The following RHOBTB1 variants were observed in gnomAD, a reference collection of about 807,000 sequenced individuals.
RHOBTB1 encodes the protein rho-related BTB domain-containing protein 1.
Under a neutral mutation model 71.6 loss-of-function variants are expected in RHOBTB1, and 40 were observed. The ratio of observed to expected loss-of-function variants is 0.56; its 90% CI spans 0.43 to 0.73. The LOEUF (loss-of-function observed/expected upper bound fraction) is 0.73. Among genes scored for constraint, RHOBTB1 ranks in the 30% least tolerant of loss-of-function variants. The pLI is 0.00. For synonymous variants in RHOBTB1, 319 were observed against 334.9 expected, an observed-to-expected ratio of 0.95 and a Z score of 0.52; for missense variants, 797 against 894.0, an observed-to-expected ratio of 0.89 and a Z score of 1.38.
intron 1 of RHOBTB1, among the ~76,000 whole-genome samples, chr10:60,998,932 T>C (rs1008988353): frequency 6.6e-6 from 1 of 152,226 alleles, no homozygotes; most frequent in African/African-American, 2.4e-5. Flanking sequence ...AAACTGCTCA[T>C]CCTTGGGCAT....
chr10:60,872,204 T>A lies in RHOBTB1; in HGVS notation c.1902A>T (p.Glu634Asp), dbSNP rs199737157. ...YNSVCSKFRKEIKSKSADNQE... is the reference protein window; with the variant it reads ...YNSVCSKFRKDIKSKSADNQE... ...TCTCACCTGCAGATTTTGATTTGAT[T>A]TCCTTACGGAACTTGGAGCATACAC... Residue 634 changes from glutamate (E) to aspartate (D), a missense_variant, in exon 10 of 11, where the codon GAA becomes GAT. Around this residue, in one of 2 missense-constraint regions of RHOBTB1, gnomAD observed 658 missense variants for 681.5 expected, o/e 0.97. Transcript: ENST00000337910. 3 of 1,613,932 alleles carry A rather than the reference T, an allele frequency of 1.9e-6. No individual in the cohort carries two copies. In the Admixed American group the frequency reaches 5.0e-5, roughly 27 times the overall value.
chr10:60,879,845 C>A (rs1341214861), intron 7 of RHOBTB1, among the ~76,000 whole-genome samples: 1 of 152,112 alleles, frequency 6.6e-6, no homozygotes, highest in Non-Finnish European at 1.5e-5. Context: ...TGGAGCCAGC[C>A]ATCTCTATCT....
chr10:60,943,314 T>A (rs1458621594), intron 1 of RHOBTB1, among the ~76,000 whole-genome samples: 2 of 152,234 alleles, frequency 1.3e-5, no homozygotes, highest in Non-Finnish European at 2.9e-5. Context: ...TCTACATAGT[T>A]GCCTTCCACT....
At chr10:60,922,873 G>C (rs188695302) in intron 2 of RHOBTB1, among the ~76,000 whole-genome samples, 1 of 152,124 alleles carries the variant, frequency 6.6e-6, no homozygotes, top group Non-Finnish European at 1.5e-5. Flanking sequence ...GATCTTCTGG[G>C]GTTAATCCAA....
At chr10:60,987,865 G>T (rs2086718811) in intron 1 of RHOBTB1, among the ~76,000 whole-genome samples, 1 of 134,006 alleles carries the variant, frequency 7.5e-6, no homozygotes, top group Non-Finnish European at 1.6e-5. Flanking sequence ...GACAAAAGTT[G>T]TTTCCTGCCT....
At chr10:60,959,413 G>T (rs1452980148) in intron 2 of RHOBTB1, among the ~76,000 whole-genome samples, 1 of 152,144 alleles carries the variant, frequency 6.6e-6, no homozygotes, top group Non-Finnish European at 1.5e-5. Flanking sequence ...GTGAGCAATA[G>T]ATTTACTCCA....
At chr10:60,911,115 C>T (rs751189433) in intron 3 of RHOBTB1, 125 bp from the exon 4 acceptor site, 92 of 812,230 alleles carry the variant, frequency 1.1e-4, no homozygotes, top group Admixed American at 3.4e-4. Flanking sequence ...TTCTATCTGA[C>T]GGGATTTAAG....
At chr10:60,917,560 C>A (rs946563247) in intron 2 of RHOBTB1, among the ~76,000 whole-genome samples, 2 of 152,182 alleles carry the variant, frequency 1.3e-5, no homozygotes, top group African/African-American at 4.8e-5. Flanking sequence ...GTGGTGTCCT[C>A]ACATGACAGG....
chr10:60,888,111 T>A, intron 6 of RHOBTB1, 101 bp downstream of exon 6: 1 of 1,328,002 alleles, frequency 7.5e-7, no homozygotes, highest in Non-Finnish European at 1.0e-6. Context: ...TAAGTACGTA[T>A]AAATGTTAGC....
At chr10:60,944,477 C>T (rs1027832991), upstream of RHOBTB1, among the ~76,000 whole-genome samples, 3 of 152,180 alleles carry the variant, frequency 2.0e-5, no homozygotes, top group Admixed American at 1.3e-4. Flanking sequence ...AGGCGGATCG[C>T]CCGGGACAAA....
intron 1 of RHOBTB1, among the ~76,000 whole-genome samples, chr10:60,992,735 T>C (rs2086910860): frequency 6.6e-6 from 1 of 152,218 alleles, no homozygotes; most frequent in African/African-American, 2.4e-5. Context: ...AATGCACTTC[T>C]GCAATTATGA....
chr10:60,984,348 T>C (rs2086595283), intron 2 of RHOBTB1, among the ~76,000 whole-genome samples: 1 of 152,228 alleles, frequency 6.6e-6, no homozygotes, highest in African/African-American at 2.4e-5. Context: ...GATTGACTTT[T>C]CTAAAATATT....
intron 2 of RHOBTB1, among the ~76,000 whole-genome samples, chr10:60,917,187 C>A (rs552995695): frequency 7.2e-5 from 11 of 152,348 alleles, no homozygotes; most frequent in African/African-American, 2.6e-4. Context: ...ACTTTAGCCA[C>A]ACAAAATGGC....
chr10:60,989,281 C>T (rs2086775854), intron 1 of RHOBTB1, among the ~76,000 whole-genome samples: 1 of 152,096 alleles, frequency 6.6e-6, no homozygotes, highest in Non-Finnish European at 1.5e-5. Context: ...GTATTTAAAT[C>T]TGAGGGAAAA....
intron 2 of RHOBTB1, among the ~76,000 whole-genome samples, chr10:60,959,723 T>C (rs2085715846): frequency 6.6e-6 from 1 of 152,184 alleles, no homozygotes; most frequent in African/African-American, 2.4e-5. Flanking sequence ...TTTATCTCTC[T>C]GGGCCTGTTT....
intron 2 of RHOBTB1, among the ~76,000 whole-genome samples, chr10:60,968,093 T>A (rs1327282463): frequency 6.6e-6 from 1 of 152,080 alleles, no homozygotes; most frequent in Non-Finnish European, 1.5e-5. Flanking sequence ...GCCTTCCTCT[T>A]GTTTTCTTCA....
intron 2 of RHOBTB1, among the ~76,000 whole-genome samples, chr10:60,915,211 C>T (rs777714850): frequency 5.9e-5 from 9 of 152,230 alleles, no homozygotes; most frequent in Non-Finnish European, 1.3e-4. Flanking sequence ...TATCCTTCTC[C>T]GCTTGTTATA....
intron 2 of RHOBTB1, among the ~76,000 whole-genome samples, chr10:60,957,478 G>A (rs1420927113): frequency 6.6e-6 from 1 of 152,126 alleles, no homozygotes; most frequent in Non-Finnish European, 1.5e-5. Context: ...ATTATATGGT[G>A]CAGGACTGTA....
chr10:60,995,016 C>G (rs774624421), intron 1 of RHOBTB1, among the ~76,000 whole-genome samples: 1 of 151,782 alleles, frequency 6.6e-6, no homozygotes, highest in Non-Finnish European at 1.5e-5. Context: ...ACATTGTACT[C>G]CATGGCTTGG....
Sources: gnomAD v4.1 joint callset for allele counts (sites outside exome capture counted in the v4.1 genomes callset) on GRCh38, gnomAD v4.1.1 for gene constraint, gnomAD v4.1.1 regional missense constraint, MANE v1.5 for transcripts, NCBI Gene and HGNC (gene_info 2026-07-23, HGNC 2026-07-21) for gene names.